Variants in NKD1 observed in about 807,000 individuals in gnomAD.
The protein encoded by NKD1 is protein naked cuticle homolog 1.
In NKD1, 21 loss-of-function variants were observed where a neutral mutation model predicts 56.0. The observed-to-expected ratio is 0.38, with a 90% CI of 0.27 to 0.54. The LOEUF is 0.54. Ranked by LOEUF, NKD1 falls within the 20% of genes least tolerant of loss-of-function variation. NKD1 has a pLI of 0.82. For missense variants in NKD1, 578 were observed against 642.7 expected, an observed-to-expected ratio of 0.90 and a Z score of 1.09; for synonymous variants, 263 against 265.7, an observed-to-expected ratio of 0.99 and a Z score of 0.10.
rs1455362935 is a variant in NKD1, at chr16:50,648,789, A to G, written c.*15008A>G. On this transcript the variant is annotated 3_prime_UTR_variant, in exon 10 of 10. Transcript: ENST00000268459. Reference sequence around the variant, plus strand: ...TTAAAAAGAGAGCTTGTTTATACCTATTGTCATCTCTGTTCTTCTGTGCCC... The same window carrying G: ...TTAAAAAGAGAGCTTGTTTATACCTGTTGTCATCTCTGTTCTTCTGTGCCC... 6.6e-6 allele frequency: 1 copy of G among 152,154 alleles called. No individual in the cohort carries two copies. The highest frequency in any genetic ancestry group is 1.5e-5 in the Non-Finnish European group (1 of 68,018). 9.4% of individuals were successfully genotyped at this position (152,154 alleles called of 1,614,324 possible). A position where few individuals can be genotyped will look rare whatever the true frequency, so the allele number is the denominator to read the frequency against.
In NKD1 at chr16:50,632,377, G is replaced by C; in HGVS notation, c.792G>C (p.Gly264=). 6.2e-7 allele frequency: 1 copy of C among 1,614,094 alleles called. No homozygotes were observed. The highest frequency in any genetic ancestry group is 8.5e-7 in the Non-Finnish European group (1 of 1,179,992). Reference sequence around the variant, plus strand: ...GAAACCACTACTTAGATCTCGCCGGGATAGAAAACTACACGTCCCAATTTG... The same window carrying C: ...GAAACCACTACTTAGATCTCGCCGGCATAGAAAACTACACGTCCCAATTTG... ...ERRNHYLDLA[G]IENYTSQFGP... The change falls in exon 9 of 10, where the codon GGG becomes GGC. Residue 264 remains glycine (G), a synonymous_variant. Coordinates refer to ENST00000268459, the MANE Select transcript of NKD1 (RefSeq NM_033119.5). This position sits in a 1 kb window ranked among gnomAD's most constrained non-coding sequence, Gnocchi z 4.1.
At chr16:50,592,962 G>A (rs981839252) in intron 3 of NKD1, among the ~76,000 whole-genome samples, 1 of 152,142 alleles carries the variant, frequency 6.6e-6, no homozygotes, top group East Asian at 1.9e-4. Flanking sequence ...CCTGGTTAAG[G>A]CACTAGCATT....
chr16:50,590,299 A>G (rs1961336918), intron 3 of NKD1, among the ~76,000 whole-genome samples: 2 of 152,242 alleles, frequency 1.3e-5, no homozygotes, highest in Admixed American at 6.5e-5. Flanking sequence ...ATATTAGAAC[A>G]CATCAGATCC....
rs376057859 is a variant in NKD1 at position 50,608,367 on chromosome 16, G to A, written c.259+7G>A. On this transcript the variant is annotated splice_region_variant and intron_variant, in intron 4 of 9. Coordinates refer to ENST00000268459, the MANE Select transcript of NKD1 (RefSeq NM_033119.5). ...GACGACTTTCGGCTGGAAGGTATTCGGAGTCCATTGCTCTCTTCCCAGCAG... is the reference window on the plus strand; with the variant it reads ...GACGACTTTCGGCTGGAAGGTATTCAGAGTCCATTGCTCTCTTCCCAGCAG... 9.4e-5 allele frequency: 150 copies of A among 1,603,606 alleles called. No individual in the cohort carries two copies. Among genetic ancestry groups the A allele is most frequent in the East Asian group, 1.1e-4 (5 of 44,810 alleles).
chr16:50,638,613 G>A lies in NKD1; in HGVS notation c.*4832G>A, dbSNP rs777366975. The A allele has an allele frequency of 6.6e-6, 1 of 152,208 alleles. No homozygotes were observed. The highest frequency in any genetic ancestry group is 1.5e-5 in the Non-Finnish European group (1 of 68,052). 9.4% of individuals were successfully genotyped at this position (152,208 alleles called of 1,614,324 possible). On this transcript the variant is annotated 3_prime_UTR_variant, in exon 10 of 10. Transcript: ENST00000268459. ...GCCACAGTCAGGACCTTTGTGTGGG[G>A]CTCTGATCTGATGTTCGGTCTCATC... is the stretch of plus-strand genomic sequence containing the variant.
At chr16:50,575,230 T>C in intron 3 of NKD1, 1 of 985,394 alleles carries the variant, frequency 1.0e-6, no homozygotes, top group Non-Finnish European at 1.2e-6. Flanking sequence ...AACTAGGGGC[T>C]GAGAGATAGG....
In NKD1 at chr16:50,632,485, G is replaced by C; in HGVS notation, c.823+77G>C. 6.8e-7 allele frequency: 1 copy of C among 1,461,250 alleles called. No homozygotes were observed. Among genetic ancestry groups the C allele is most frequent in the Non-Finnish European group, 9.6e-7 (1 of 1,046,486 alleles). The allele number at this position is 1,461,250 out of a possible 1,614,324, so 90.5% of individuals were successfully genotyped here. A position where few individuals can be genotyped will look rare whatever the true frequency, so the allele number is the denominator to read the frequency against. Reference sequence around the variant, plus strand: ...ACGGGCCAGGCGGGCCGTGCGGGTGGTGTTCACTGCTACCCCAGGCTTCGG... The same window carrying C: ...ACGGGCCAGGCGGGCCGTGCGGGTGCTGTTCACTGCTACCCCAGGCTTCGG... On this transcript the variant is annotated intron_variant, in intron 9 of 9. Coordinates refer to ENST00000268459, the MANE Select transcript of NKD1 (RefSeq NM_033119.5). This position sits in a 1 kb window ranked among gnomAD's most constrained non-coding sequence, Gnocchi z 4.1.
rs543574131 is a variant in NKD1, at chr16:50,595,876, C to T, written c.193-12418C>T. On this transcript the variant is annotated intron_variant, in intron 3 of 9. Coordinates refer to ENST00000268459, the MANE Select transcript of NKD1 (RefSeq NM_033119.5). ...GGGCTGTTGACTGGACCTGCAGGGG[C>T]AGGCAGTGGCCTTCTAGATCCCCAT... Among the ~76,000 whole-genome samples the T allele has an allele frequency of 1.4e-4, 22 of 152,316 alleles. No homozygotes were observed. In the East Asian group the frequency reaches 4.1e-3, roughly 28 times the overall value.
chr16:50,643,653 TG>T lies in NKD1; in HGVS notation c.*9873del, dbSNP rs1962623202. On this transcript the variant is annotated 3_prime_UTR_variant, in exon 10 of 10. Coordinates refer to ENST00000268459, the MANE Select transcript of NKD1 (RefSeq NM_033119.5). ...CCTCTGACACTGAGTTAGCGCATACTGAACTACTGATCCTAGGGGAAATACA... is the reference window on the plus strand; with the variant it reads ...CCTCTGACACTGAGTTAGCGCATACTAACTACTGATCCTAGGGGAAATACA... The T allele has an allele frequency of 6.6e-6, 1 of 152,272 alleles. No homozygotes were observed. The highest frequency in any genetic ancestry group is 2.4e-5 in the African/African-American group (1 of 41,464). The allele number at this position is 152,272 out of a possible 1,614,324, so 9.4% of individuals were successfully genotyped here.
At position 50,632,685 on chromosome 16, in the gene NKD1, G is replaced by A. The variant is rs2151281431; in HGVS notation, c.823+277G>A. Among the ~76,000 whole-genome samples the A allele has an allele frequency of 6.6e-6, 1 of 151,578 alleles. No homozygotes were observed. The highest frequency in any genetic ancestry group is 1.5e-5 in the Non-Finnish European group (1 of 67,900). On this transcript the variant is annotated intron_variant, in intron 9 of 9. Coordinates refer to ENST00000268459, the MANE Select transcript of NKD1 (RefSeq NM_033119.5). The surrounding 1 kb of genome is among the most constrained non-coding windows in gnomAD (Gnocchi z 4.1). ...CCCCATCCCAGCCCACCCAAGCCCT[G>A]TTCCCGGGGCAACCACTTTGACCTC...
intron 3 of NKD1, among the ~76,000 whole-genome samples, chr16:50,580,040 C>T (rs1022314739): frequency 1.3e-5 from 2 of 152,158 alleles, no homozygotes; most frequent in Non-Finnish European, 2.9e-5. Flanking sequence ...ACCAGCTACA[C>T]ACGCACTGTC....
chr16:50,632,127 C>G lies in NKD1; in HGVS notation c.696-154C>G, dbSNP rs1368898433. On this transcript the variant is annotated intron_variant, in intron 8 of 9. Transcript: ENST00000268459. This position sits in a 1 kb window ranked among gnomAD's most constrained non-coding sequence, Gnocchi z 4.1. ...CAAGGAGGGAAATGGAGGCACAGTT[C>G]GTATAGAGGACTGTTCCTCCCCACC... Among the ~76,000 whole-genome samples, 1 of 152,042 alleles carries G rather than the reference C, an allele frequency of 6.6e-6. No homozygotes were observed. The highest frequency in any genetic ancestry group is 2.4e-5 in the African/African-American group (1 of 41,378).
intron 3 of NKD1, among the ~76,000 whole-genome samples, chr16:50,570,650 A>T (rs943745498): frequency 2.0e-5 from 3 of 152,178 alleles, no homozygotes; most frequent in African/African-American, 7.2e-5. Flanking sequence ...TGCCTGTGAA[A>T]CACTTAGCTC....
chr16:50,632,244 T>G lies in NKD1; in HGVS notation c.696-37T>G, dbSNP rs747002280. The G allele has an allele frequency of 1.1e-5, 18 of 1,610,360 alleles. No homozygotes were observed. Among genetic ancestry groups the G allele is most frequent in the Middle Eastern group, 3.3e-4 (2 of 5,978 alleles). Reference sequence around the variant, plus strand: ...CTATGCGCTTGCCCCCACCTGGTGGTTGGTGTTATCCCACTCACTTGCCTC... The same window carrying G: ...CTATGCGCTTGCCCCCACCTGGTGGGTGGTGTTATCCCACTCACTTGCCTC... On this transcript the variant is annotated intron_variant, in intron 8 of 9. Transcript: ENST00000268459. The surrounding 1 kb of genome is among the most constrained non-coding windows in gnomAD (Gnocchi z 4.1).
At chr16:50,613,567 C>T (rs1961897003) in intron 4 of NKD1, 1 of 152,232 alleles carries the variant, frequency 6.6e-6, no homozygotes, top group Non-Finnish European at 1.5e-5. Context: ...GCAGCGGTGA[C>T]AGAGAACAAG....
chr16:50,634,471 C>G lies in NKD1; in HGVS notation c.*690C>G, dbSNP rs1264468366. ...TTCTCCTTCTTCTCTCTCTACTTTACAGTGATACACACACGTATTTAAGGA... is the reference window on the plus strand; with the variant it reads ...TTCTCCTTCTTCTCTCTCTACTTTAGAGTGATACACACACGTATTTAAGGA... On this transcript the variant is annotated 3_prime_UTR_variant, in exon 10 of 10. Coordinates refer to ENST00000268459, the MANE Select transcript of NKD1 (RefSeq NM_033119.5). 4 of 152,320 alleles carry G rather than the reference C, an allele frequency of 2.6e-5. No individual in the cohort carries two copies. The highest frequency in any genetic ancestry group is 9.7e-5 in the African/African-American group (4 of 41,424). 9.4% of individuals were successfully genotyped at this position (152,320 alleles called of 1,614,324 possible). A position where few individuals can be genotyped will look rare whatever the true frequency, so the allele number is the denominator to read the frequency against.
rs1962617184 is a variant in NKD1, at chr16:50,643,370, C to T, written c.*9589C>T. ...ACATATGCTAGCCACATGACCCTCC[C>T]TTTCCAGGAGCCTGCTGGCATTGAT... On this transcript the variant is annotated 3_prime_UTR_variant, in exon 10 of 10. Coordinates refer to ENST00000268459, the MANE Select transcript of NKD1 (RefSeq NM_033119.5). 6.6e-6 allele frequency: 1 copy of T among 152,248 alleles called. No homozygotes were observed. The highest frequency in any genetic ancestry group is 1.5e-5 in the Non-Finnish European group (1 of 68,056). The allele number at this position is 152,248 out of a possible 1,614,324, so 9.4% of individuals were successfully genotyped here. A position where few individuals can be genotyped will look rare whatever the true frequency, so the allele number is the denominator to read the frequency against.
At chr16:50,552,415 A>T (rs1191546368) in intron 3 of NKD1, 1 of 152,214 alleles carries the variant, frequency 6.6e-6, no homozygotes, top group South Asian at 2.1e-4. Context: ...CTTCGAGATG[A>T]GCCAGTCGTG....
At chr16:50,562,995 C>CA (rs1960674428) in intron 3 of NKD1, among the ~76,000 whole-genome samples, 1 of 132,400 alleles carries the variant, frequency 7.6e-6, no homozygotes, top group Non-Finnish European at 1.6e-5. Flanking sequence ...CACCCCCCCC[C>CA]CCCGCCGTAG....
Sources: allele counts gnomAD v4.1 joint callset (sites outside exome capture counted in the v4.1 genomes callset), GRCh38; gene constraint gnomAD v4.1.1; non-coding constraint Gnocchi (gnomAD v3.1); transcripts MANE v1.5; gene names NCBI Gene and HGNC (gene_info 2026-07-23, HGNC 2026-07-21).